Variants in SH3GLB1 observed in about 807,000 individuals in gnomAD.
The protein encoded by SH3GLB1 is SH3 domain containing GRB2 like, endophilin B1.
A neutral mutation model predicts 42.0 loss-of-function variants in SH3GLB1; 17 were observed. The observed-to-expected ratio is 0.40, with a 90% confidence interval of 0.28 to 0.61. The LOEUF (loss-of-function observed/expected upper bound fraction) is 0.61. Ranked by LOEUF, SH3GLB1 falls within the 20% of genes least tolerant of loss-of-function variation. SH3GLB1 has a pLI of 0.36. For synonymous variants in SH3GLB1, 132 were observed against 146.6 expected (o/e 0.90, Z 0.72); for missense variants, 355 against 426.3 (o/e 0.83, Z 1.47).
At chr1:86,710,223 A>T (rs1654121787) in intron 1 of SH3GLB1, among the ~76,000 whole-genome samples, 1 of 152,218 alleles carries the variant, frequency 6.6e-6, no homozygotes. Flanking sequence ...GGTAATTAGA[A>T]AATCTATAAA....
At chr1:86,719,728 G>T in intron 3 of SH3GLB1, 93 bp downstream of exon 3, 1 of 1,301,244 alleles carries the variant, frequency 7.7e-7, no homozygotes, top group Non-Finnish European at 1.1e-6. Context: ...GGGTGCAGTG[G>T]CTCACACCTG....
chr1:86,710,439 A>C (rs1030732680), intron 1 of SH3GLB1, among the ~76,000 whole-genome samples: 1 of 151,926 alleles, frequency 6.6e-6, no homozygotes, highest in Admixed American at 6.6e-5. Context: ...TAAATTTTGT[A>C]TTTTTAGTAG....
intron 4 of SH3GLB1, among the ~76,000 whole-genome samples, chr1:86,723,936 A>C (rs1254308642): frequency 1.3e-5 from 2 of 152,190 alleles, no homozygotes. Flanking sequence ...AATGTTTGGC[A>C]ACATTTCTGG....
intron 5 of SH3GLB1, among the ~76,000 whole-genome samples, chr1:86,725,323 G>A (rs1270459334): frequency 6.6e-6 from 1 of 151,956 alleles, no homozygotes; most frequent in Non-Finnish European, 1.5e-5. Context: ...TGTTGAATGC[G>A]AGGAAACTCA....
chr1:86,724,892 A>AAAAAAAAAT (rs1291454820), intron 5 of SH3GLB1, among the ~76,000 whole-genome samples: 1 of 99,700 alleles, frequency 1.0e-5, no homozygotes. Context: ...AAAAAAAAAA[A>AAAAAAAAAT]ATATATATAT....
chr1:86,721,143 A>G (rs1654837253), intron 3 of SH3GLB1, among the ~76,000 whole-genome samples: 1 of 152,128 alleles, frequency 6.6e-6, no homozygotes, highest in Non-Finnish European at 1.5e-5. Context: ...ATCTGTTTGC[A>G]CCTCTAGTAA....
rs529982985 is a variant in SH3GLB1, at chr1:86,746,152, T to C, written c.*2917T>C. The C allele has an allele frequency of 1.2e-4, 19 of 152,682 alleles. No homozygotes were observed. The highest frequency in any genetic ancestry group is 2.2e-4 in the African/African-American group (9 of 41,534). The allele number at this position is 152,682 out of a possible 1,614,324, so 9.5% of individuals were successfully genotyped here. On this transcript the variant is annotated 3_prime_UTR_variant, in exon 9 of 9. Coordinates refer to ENST00000370558, the MANE Select transcript of SH3GLB1 (RefSeq NM_016009.5). ...CAGGATCACCAGTGGGGTAGAGTCA[T>C]CTTCATAGTCTCCTGTTATCCTCCC...
intron 7 of SH3GLB1, 72 bp from the exon 8 acceptor site, chr1:86,742,136 C>T (rs746213448): frequency 2.9e-6 from 3 of 1,051,446 alleles, no homozygotes; most frequent in East Asian, 2.4e-5. Flanking sequence ...AAGTAAACAG[C>T]GCCACCGAGT....
chr1:86,708,755 G>A (rs1354034120), intron 1 of SH3GLB1, among the ~76,000 whole-genome samples: 4 of 152,122 alleles, frequency 2.6e-5, no homozygotes, highest in African/African-American at 7.2e-5. Context: ...TTTATTCTTA[G>A]AATCCATCTT....
chr1:86,727,822 A>G (rs1655275709), intron 5 of SH3GLB1, among the ~76,000 whole-genome samples: 1 of 152,064 alleles, frequency 6.6e-6, no homozygotes, highest in Non-Finnish European at 1.5e-5. Context: ...TTTCTTTAAC[A>G]TCATATAGCA....
Position 86,742,196 on chromosome 1 carries a change from T to G in SH3GLB1, c.762-12T>G, listed in dbSNP as rs753912105. On this transcript the variant is annotated splice_polypyrimidine_tract_variant and intron_variant, in intron 7 of 8. Coordinates refer to ENST00000370558, the MANE Select transcript of SH3GLB1 (RefSeq NM_016009.5). ...CTTGGAAATAAATAATTCGCTGCTT[T>G]CTTTTCAACAGTTTTCCATCCAATT... 6.2e-7 allele frequency: 1 copy of G among 1,606,400 alleles called. No homozygotes were observed. The highest frequency in any genetic ancestry group is 1.1e-5 in the South Asian group (1 of 90,900).
intron 7 of SH3GLB1, among the ~76,000 whole-genome samples, chr1:86,737,742 T>C (rs1655846475): frequency 6.6e-6 from 1 of 152,168 alleles, no homozygotes; most frequent in Non-Finnish European, 1.5e-5. Flanking sequence ...ATATAAATTA[T>C]ATAGTATATT....
chr1:86,708,247 A>G (rs1026370367), intron 1 of SH3GLB1, among the ~76,000 whole-genome samples: 2 of 152,236 alleles, frequency 1.3e-5, no homozygotes, highest in South Asian at 4.1e-4. Flanking sequence ...TTGCATTGAC[A>G]TCAGTATAAT....
At chr1:86,728,586 C>A in intron 5 of SH3GLB1, 1 of 592,022 alleles carries the variant, frequency 1.7e-6, no homozygotes, top group Non-Finnish European at 2.8e-6. Flanking sequence ...ACCATGTATT[C>A]ATTTATCTTT....
chr1:86,742,477 T>A, intron 8 of SH3GLB1, 41 bp downstream of exon 8: 2 of 1,439,136 alleles, frequency 1.4e-6, no homozygotes. Context: ...TATCACGAAT[T>A]GACATACCTT....
At chr1:86,722,791 C>A in intron 4 of SH3GLB1, 118 bp downstream of exon 4, 2 of 791,680 alleles carry the variant, frequency 2.5e-6, no homozygotes, top group Non-Finnish European at 3.8e-6. Context: ...ATTAAATAAT[C>A]TAGGTCAGTG....
intron 7 of SH3GLB1, among the ~76,000 whole-genome samples, chr1:86,735,738 T>A (rs890060657): frequency 6.6e-6 from 1 of 152,186 alleles, no homozygotes; most frequent in African/African-American, 2.4e-5. Flanking sequence ...TGGGGTAATA[T>A]CAGCAAACAA....
intron 5 of SH3GLB1, among the ~76,000 whole-genome samples, chr1:86,724,967 G>GTA (rs1170614234): frequency 7.2e-6 from 1 of 138,182 alleles, no homozygotes; most frequent in African/African-American, 2.8e-5. Flanking sequence ...ATACATATGT[G>GTA]TATATATATA....
rs1188509219 is a variant in SH3GLB1 at position 86,744,762 on chromosome 1, TAAAC to T, written c.*1529_*1532del. 6.6e-6 allele frequency: 1 copy of T among 152,242 alleles called. No individual in the cohort carries two copies. Among genetic ancestry groups the T allele is most frequent in the African/African-American group, 2.4e-5 (1 of 41,460 alleles). The allele number at this position is 152,242 out of a possible 1,614,324, so 9.4% of individuals were successfully genotyped here. ...TTAAGAGCTCCTAATAAGAACTTGG[TAAAC>T]ATGTTGACAATTTAACTCACAGTCT... is the stretch of plus-strand genomic sequence containing the variant. On this transcript the variant is annotated 3_prime_UTR_variant, in exon 9 of 9. Transcript: ENST00000370558.
Sources: gnomAD v4.1 joint callset for allele counts (sites outside exome capture counted in the v4.1 genomes callset) on GRCh38, gnomAD v4.1.1 for gene constraint, MANE v1.5 for transcripts, NCBI Gene and HGNC (gene_info 2026-07-23, HGNC 2026-07-21) for gene names.